STX7: variants seen among roughly 807,000 people sequenced by gnomAD.
STX7 encodes the protein syntaxin 7, also known as syntaxin-7.
A neutral mutation model predicts 39.6 loss-of-function variants in STX7; 34 were observed. The observed-to-expected ratio is 0.86, with a 90% CI of 0.65 to 1.14. STX7 has a LOEUF of 1.14. STX7 is among the 50% of genes most tolerant of loss of function. The probability of loss-of-function intolerance (pLI) is 0.00; values close to 1 mark genes in which losing one functional copy is unlikely to be tolerated. For missense variants in STX7, 284 were observed against 310.4 expected (o/e 0.92, Z 0.64); for synonymous variants, 119 against 99.1 (o/e 1.20, Z -1.19).
chr6:132,460,834 G>T lies in STX7; in HGVS notation c.710C>A (p.Thr237Asn), dbSNP rs1368781628. 6.2e-7 allele frequency: 1 copy of T among 1,612,982 alleles called. No homozygotes were observed. The highest frequency in any genetic ancestry group is 1.3e-5 in the African/African-American group (1 of 74,838). The change falls in exon 10 of 10, where the codon ACC becomes AAC. Residue 237 changes from threonine (T) to asparagine (N), a missense_variant. Physicochemically the swap from Thr to Asn is moderately conservative, Grantham distance 65. Transcript: ENST00000367941. Reference sequence around the variant, plus strand: ...AAGGATAAGAATGATGATGCACAGGGTTTTTCTGGATTTGCGCTGCAGACG... The same window carrying T: ...AAGGATAAGAATGATGATGCACAGGTTTTTTCTGGATTTGCGCTGCAGACG... ...AADYQRKSRK[T>N]LCIIILILVI...
intron 8 of STX7, among the ~76,000 whole-genome samples, chr6:132,467,833 C>T (rs948687335): frequency 5.3e-5 from 8 of 152,192 alleles, no homozygotes; most frequent in Non-Finnish European, 2.9e-5. Flanking sequence ...CAACTACACC[C>T]TAATTGAAAT....
chr6:132,482,525 A>G (rs1775037826), intron 2 of STX7, among the ~76,000 whole-genome samples: 1 of 152,256 alleles, frequency 6.6e-6, no homozygotes. Context: ...AGCTAGGGTT[A>G]GAATGTAGAT....
At position 132,449,635 on chromosome 6, in the gene STX7, C is replaced by G. The variant is rs776852464; in HGVS notation, c.*11123G>C. On this transcript the variant is annotated 3_prime_UTR_variant, in exon 10 of 10. Coordinates refer to ENST00000367941, the MANE Select transcript of STX7 (RefSeq NM_003569.3). ...AGTTAAAACTTGATAGTCAACAATT[C>G]CTTTAGTTGTGGTGAATCTGCTCTT... 6.6e-6 allele frequency: 1 copy of G among 152,070 alleles called. No homozygotes were observed. Among genetic ancestry groups the G allele is most frequent in the Non-Finnish European group, 1.5e-5 (1 of 68,002 alleles). 9.4% of individuals were successfully genotyped at this position (152,070 alleles called of 1,614,324 possible).
At position 132,494,938 on chromosome 6, in the gene STX7, C is replaced by T. The variant is rs942693772; in HGVS notation, c.85+8508G>A. ...CAGTCATCCAAAGAAATAGCAGCAGCTTGAGCATATGTGGTAATGGCAGAG... is the reference window on the plus strand; with the variant it reads ...CAGTCATCCAAAGAAATAGCAGCAGTTTGAGCATATGTGGTAATGGCAGAG... On this transcript the variant is annotated intron_variant, in intron 2 of 9. Coordinates refer to ENST00000367941, the MANE Select transcript of STX7 (RefSeq NM_003569.3). Among the ~76,000 whole-genome samples, 4 of 152,150 alleles carry T rather than the reference C, an allele frequency of 2.6e-5. No homozygotes were observed. In the East Asian group the frequency reaches 7.7e-4, roughly 29 times the overall value.
In STX7 at chr6:132,454,667, T is replaced by A. The variant is rs1774208534; in HGVS notation, c.*6091A>T. ...GAAAATTTAAAACAACATAGAAAAT[T>A]TCTAAATGACTAAGAAAAATGTTTG... On this transcript the variant is annotated 3_prime_UTR_variant, in exon 10 of 10. Coordinates refer to ENST00000367941, the MANE Select transcript of STX7 (RefSeq NM_003569.3). 1 of 152,110 alleles carries A rather than the reference T, an allele frequency of 6.6e-6. No homozygotes were observed. Among genetic ancestry groups the A allele is most frequent in the Non-Finnish European group, 1.5e-5 (1 of 68,006 alleles). The allele number at this position is 152,110 out of a possible 1,614,324, so 9.4% of individuals were successfully genotyped here. A position where few individuals can be genotyped will look rare whatever the true frequency, so the allele number is the denominator to read the frequency against.
In STX7 at chr6:132,455,301, A is replaced by G. The variant is rs1461307029; in HGVS notation, c.*5457T>C. On this transcript the variant is annotated 3_prime_UTR_variant, in exon 10 of 10. Coordinates refer to ENST00000367941, the MANE Select transcript of STX7 (RefSeq NM_003569.3). ...CTTTCAGAGGGCATTAAAAAGTGAA[A>G]CTAGGTATCAGAAAAATCTTAGTCG... 6.6e-6 allele frequency: 1 copy of G among 152,170 alleles called. No homozygotes were observed. Among genetic ancestry groups the G allele is most frequent in the Non-Finnish European group, 1.5e-5 (1 of 68,032 alleles). 9.4% of individuals were successfully genotyped at this position (152,170 alleles called of 1,614,324 possible). A position where few individuals can be genotyped will look rare whatever the true frequency, so the allele number is the denominator to read the frequency against.
At chr6:132,470,070 G>GA in intron 6 of STX7, 23 bp from the exon 7 acceptor site, 2 of 1,538,048 alleles carry the variant, frequency 1.3e-6, no homozygotes, top group Non-Finnish European at 8.7e-7. Context: ...AATGAATGTG[G>GA]AAAAAAACAA....
chr6:132,447,765 C>T lies in STX7; in HGVS notation c.*12993G>A, dbSNP rs950294448. ...TATTTTCCCTAATTCTACTTTTTGT[C>T]TTTCTCTGTCCTTGTACTGTCTTTT... On this transcript the variant is annotated 3_prime_UTR_variant, in exon 10 of 10. Transcript: ENST00000367941. The T allele has an allele frequency of 1.3e-5, 2 of 151,928 alleles. No homozygotes were observed. Among genetic ancestry groups the T allele is most frequent in the Non-Finnish European group, 2.9e-5 (2 of 67,920 alleles). The allele number at this position is 151,928 out of a possible 1,614,324, so 9.4% of individuals were successfully genotyped here.
intron 9 of STX7, among the ~76,000 whole-genome samples, chr6:132,462,639 G>C (rs1774442108): frequency 6.7e-6 from 1 of 149,974 alleles, no homozygotes; most frequent in Non-Finnish European, 1.5e-5. Flanking sequence ...TTATTCGTGA[G>C]GGATACCTAA....
chr6:132,452,191 A>G lies in STX7; in HGVS notation c.*8567T>C, dbSNP rs1036646141. 32 of 152,202 alleles carry G rather than the reference A, an allele frequency of 2.1e-4. 1 individual carries two copies. The highest frequency in any genetic ancestry group is 3.9e-4 in the Admixed American group (6 of 15,280). 9.4% of individuals were successfully genotyped at this position (152,202 alleles called of 1,614,324 possible). On this transcript the variant is annotated 3_prime_UTR_variant, in exon 10 of 10. Transcript: ENST00000367941. ...TTTGACAAAATTCAACATAAAATTC[A>G]TAATAAAAACTTGCAGAAAAAAAGG...
At chr6:132,492,734 T>C (rs1284568985) in intron 2 of STX7, among the ~76,000 whole-genome samples, 7 of 151,964 alleles carry the variant, frequency 4.6e-5, no homozygotes, top group Non-Finnish European at 1.0e-4. Flanking sequence ...GACTGGAAGA[T>C]CAAAAACAAT....
chr6:132,505,793 T>C (rs376981536), intron 1 of STX7, among the ~76,000 whole-genome samples: 1 of 138,046 alleles, frequency 7.2e-6, no homozygotes. Flanking sequence ...AAAGCAATTT[T>C]AAGAAAAAGA....
At position 132,458,040 on chromosome 6, in the gene STX7, T is replaced by C. The variant is rs1215918563; in HGVS notation, c.*2718A>G. On this transcript the variant is annotated 3_prime_UTR_variant, in exon 10 of 10. Coordinates refer to ENST00000367941, the MANE Select transcript of STX7 (RefSeq NM_003569.3). ...CTTTCCTTGCTAAACCACAGATGTA[T>C]TTCATGGAAAGAGGGGCCTTTAAAG... is the stretch of plus-strand genomic sequence containing the variant. 6.6e-6 allele frequency: 1 copy of C among 152,228 alleles called. No individual in the cohort carries two copies. Among genetic ancestry groups the C allele is most frequent in the Non-Finnish European group, 1.5e-5 (1 of 68,046 alleles). The allele number at this position is 152,228 out of a possible 1,614,324, so 9.4% of individuals were successfully genotyped here.
rs1410346349 is a variant in STX7 at position 132,503,578 on chromosome 6, T to C, written c.-48A>G. The C allele has an allele frequency of 9.0e-6, 13 of 1,444,290 alleles. No homozygotes were observed. The highest frequency in any genetic ancestry group is 1.2e-5 in the Non-Finnish European group (12 of 1,028,134). The allele number at this position is 1,444,290 out of a possible 1,614,324, so 89.5% of individuals were successfully genotyped here. On this transcript the variant is annotated 5_prime_UTR_variant, in exon 2 of 10. Transcript: ENST00000367941. The stretch of plus-strand genomic sequence containing the variant: ...TTTCATCAGATGCTGTGCAGTTTTC[T>C]AAGCAGTCACCTAAATAATATAAAA...
chr6:132,493,588 T>C (rs1027528172), intron 2 of STX7, among the ~76,000 whole-genome samples: 5 of 152,242 alleles, frequency 3.3e-5, no homozygotes, highest in African/African-American at 1.2e-4. Flanking sequence ...TCCGCCATGA[T>C]TGTGAGGCCT....
intron 3 of STX7, 59 bp from the exon 4 acceptor site, chr6:132,472,434 C>A: frequency 7.5e-7 from 1 of 1,337,764 alleles, no homozygotes. Context: ...TAAGCTTCAA[C>A]TCTGCCTTTT....
At chr6:132,488,093 G>T (rs1250595121) in intron 2 of STX7, among the ~76,000 whole-genome samples, 2 of 152,080 alleles carry the variant, frequency 1.3e-5, no homozygotes, top group Non-Finnish European at 2.9e-5. Flanking sequence ...TTTCATTTAC[G>T]TTCAGTTCAG....
chr6:132,491,400 A>T (rs1775283980), intron 2 of STX7, among the ~76,000 whole-genome samples: 2 of 152,172 alleles, frequency 1.3e-5, no homozygotes, highest in Non-Finnish European at 2.9e-5. Context: ...AAAGAAGGAC[A>T]AATTCAAAAA....
rs1021450983 is a variant in STX7, at chr6:132,446,155, G to A, written c.*14603C>T. The A allele has an allele frequency of 9.2e-5, 14 of 152,168 alleles. 1 individual carries two copies. Among genetic ancestry groups the A allele is most frequent in the African/African-American group, 3.4e-4 (14 of 41,442 alleles). The allele number at this position is 152,168 out of a possible 1,614,324, so 9.4% of individuals were successfully genotyped here. ...CTTTACAAGGTTATGCTTATTAGCT[G>A]GGATTCGAAGCTCAATAGCAACACT... On this transcript the variant is annotated 3_prime_UTR_variant, in exon 10 of 10. Transcript: ENST00000367941.
Sources: allele counts gnomAD v4.1 joint callset (sites outside exome capture counted in the v4.1 genomes callset), GRCh38; gene constraint gnomAD v4.1.1; transcripts MANE v1.5; gene names NCBI Gene and HGNC (gene_info 2026-07-23, HGNC 2026-07-21).